The following ADGRB3 variants were observed in gnomAD, a reference collection of about 807,000 sequenced individuals.
ADGRB3 encodes brain-specific angiogenesis inhibitor 3.
Under a neutral mutation model 193.4 loss-of-function variants are expected in ADGRB3, and 37 were observed. That is an observed-to-expected ratio of 0.19 (90% CI 0.15 to 0.25). ADGRB3 has a LOEUF of 0.25. Among genes scored for constraint, ADGRB3 ranks in the 10% least tolerant of loss-of-function variants. ADGRB3 has a pLI of 1.00. For synonymous variants in ADGRB3, 690 were observed against 644.2 expected, an observed-to-expected ratio of 1.07 and a Z score of -1.08; for missense variants, 1,637 against 1,852.9, an observed-to-expected ratio of 0.88 and a Z score of 2.14.
intron 17 of ADGRB3, among the ~76,000 whole-genome samples, chr6:69,186,731 A>G (rs970181231): frequency 6.6e-6 from 1 of 151,986 alleles, no homozygotes; most frequent in Non-Finnish European, 1.5e-5. Context: ...ATATACCAAC[A>G]CCAACCTGAA....
chr6:69,081,097 G>C (rs187746602), intron 17 of ADGRB3, among the ~76,000 whole-genome samples: 22 of 152,142 alleles, frequency 1.4e-4, no homozygotes, highest in African/African-American at 5.3e-4. Flanking sequence ...TTCGTAGTCA[G>C]TATGTTGCAG....
chr6:69,124,886 A>ATTT (rs60143202), intron 17 of ADGRB3, among the ~76,000 whole-genome samples: 392 of 149,486 alleles, frequency 2.6e-3, no homozygotes, highest in Non-Finnish European at 3.4e-3. Flanking sequence ...CAGTTTTGCC[A>ATTT]TTTTTTTTTT....
chr6:68,813,027 A>G (rs1477712824), intron 3 of ADGRB3, among the ~76,000 whole-genome samples: 1 of 152,164 alleles, frequency 6.6e-6, no homozygotes, highest in African/African-American at 2.4e-5. Context: ...GTCCCTTTTC[A>G]AATCTCAACG....
chr6:68,810,607 A>G (rs574471242), intron 3 of ADGRB3, among the ~76,000 whole-genome samples: 1 of 152,328 alleles, frequency 6.6e-6, no homozygotes, highest in African/African-American at 2.4e-5. Flanking sequence ...GGTTTGAGGT[A>G]GACGATTTTG....
intron 3 of ADGRB3, among the ~76,000 whole-genome samples, chr6:68,809,319 AC>A (rs1166467962): frequency 6.6e-6 from 1 of 152,170 alleles, no homozygotes; most frequent in East Asian, 1.9e-4. Flanking sequence ...CATAGGTATA[AC>A]CTTTCTGTAA....
At chr6:68,723,550 A>G (rs1387559269) in intron 3 of ADGRB3, among the ~76,000 whole-genome samples, 1 of 151,770 alleles carries the variant, frequency 6.6e-6, no homozygotes, top group African/African-American at 2.4e-5. Flanking sequence ...AATTACATAT[A>G]GAGAAGGAAG....
intron 17 of ADGRB3, among the ~76,000 whole-genome samples, chr6:69,119,206 T>C (rs774964790): frequency 4.9e-4 from 75 of 152,220 alleles, no homozygotes; most frequent in Admixed American, 1.1e-3. Context: ...AGAGTATTGA[T>C]GAATGGCTGA....
At chr6:68,870,077 C>A (rs866035133) in intron 3 of ADGRB3, among the ~76,000 whole-genome samples, 1 of 152,134 alleles carries the variant, frequency 6.6e-6, no homozygotes, top group South Asian at 2.1e-4. Context: ...CTGTGCCCAG[C>A]CGAAAGGCAA....
chr6:68,974,696 A>G (rs1768690341), intron 8 of ADGRB3, 67 bp from the exon 9 acceptor site: 6 of 1,294,144 alleles, frequency 4.6e-6, no homozygotes, highest in Non-Finnish European at 6.7e-6. Context: ...GGTGCCTTTG[A>G]CAATTGTTTA....
At chr6:69,115,083 T>A (rs1773491026) in intron 17 of ADGRB3, among the ~76,000 whole-genome samples, 1 of 152,146 alleles carries the variant, frequency 6.6e-6, no homozygotes, top group African/African-American at 2.4e-5. Flanking sequence ...GACCCAGCAA[T>A]CCCATTACTG....
chr6:69,084,803 T>TGGCATGGA (rs1488808270), intron 17 of ADGRB3, among the ~76,000 whole-genome samples: 7 of 152,160 alleles, frequency 4.6e-5, no homozygotes, highest in Admixed American at 6.6e-5. Flanking sequence ...ATATTGCCTA[T>TGGCATGGA]GGCATGGAGG....
intron 17 of ADGRB3, among the ~76,000 whole-genome samples, chr6:69,161,767 T>C (rs1389384429): frequency 2.0e-5 from 3 of 152,092 alleles, no homozygotes; most frequent in Non-Finnish European, 4.4e-5. Flanking sequence ...ATGGTTCAGT[T>C]ACTCTCCAGT....
At chr6:68,764,532 A>G (rs1039355900) in intron 3 of ADGRB3, among the ~76,000 whole-genome samples, 3 of 152,190 alleles carry the variant, frequency 2.0e-5, no homozygotes, top group Non-Finnish European at 4.4e-5. Flanking sequence ...TGAAAACCAG[A>G]ATCATAAATA....
intron 20 of ADGRB3, among the ~76,000 whole-genome samples, chr6:69,286,460 T>G (rs3799078): frequency 6.6e-6 from 1 of 152,228 alleles, no homozygotes; most frequent in Non-Finnish European, 1.5e-5. Context: ...TGCTATTTAC[T>G]TGTGCCTTTT....
chr6:68,878,429 A>G (rs1159980826), intron 3 of ADGRB3, among the ~76,000 whole-genome samples: 2 of 152,186 alleles, frequency 1.3e-5, no homozygotes, highest in African/African-American at 4.8e-5. Context: ...AATTGTAAAA[A>G]AAAAAATTAA....
intron 29 of ADGRB3, among the ~76,000 whole-genome samples, chr6:69,364,179 T>A (rs1341206759): frequency 6.6e-6 from 1 of 151,938 alleles, no homozygotes; most frequent in African/African-American, 2.4e-5. Flanking sequence ...ACATTTTACC[T>A]CCAGAGGAGT....
At chr6:68,943,632 CATGCA>C (rs1198249916) in intron 5 of ADGRB3, among the ~76,000 whole-genome samples, 193 bp from the exon 6 acceptor site, 3 of 152,100 alleles carry the variant, frequency 2.0e-5, no homozygotes, top group Non-Finnish European at 4.4e-5. Flanking sequence ...GAAAAAAGCA[CATGCA>C]ATTTTTCATT....
At chr6:68,866,220 G>A (rs562556527) in intron 3 of ADGRB3, among the ~76,000 whole-genome samples, 1 of 152,302 alleles carries the variant, frequency 6.6e-6, no homozygotes, top group South Asian at 2.1e-4. Context: ...GGTAGGAGGT[G>A]ACTGGATCAT....
At chr6:69,027,223 T>G (rs1436001492) in intron 13 of ADGRB3, among the ~76,000 whole-genome samples, 1 of 151,300 alleles carries the variant, frequency 6.6e-6, no homozygotes. Context: ...GATTTTTAGT[T>G]TTTTTTTTGG....
Sources: allele counts gnomAD v4.1 joint callset (sites outside exome capture counted in the v4.1 genomes callset), GRCh38; gene constraint gnomAD v4.1.1; transcripts MANE v1.5; gene names NCBI Gene and HGNC (gene_info 2026-07-23, HGNC 2026-07-21).